Variants in CHST9 observed in about 807,000 individuals in gnomAD.
CHST9 encodes the protein carbohydrate sulfotransferase 9, also known as GalNAc-4-sulfotransferase 2.
Under a neutral mutation model 44.4 loss-of-function variants are expected in CHST9, and 41 were observed. The ratio of observed to expected loss-of-function variants is 0.92; its 90% CI spans 0.72 to 1.20. CHST9 has a LOEUF of 1.20. Ranked by LOEUF, CHST9 falls within the 50% of genes most tolerant of loss-of-function variation. The pLI is 0.00. For synonymous variants in CHST9, 171 were observed against 178.4 expected, an observed-to-expected ratio of 0.96 and a Z score of 0.33; for missense variants, 504 against 516.5, an observed-to-expected ratio of 0.98 and a Z score of 0.23.
intron 2 of CHST9, among the ~76,000 whole-genome samples, chr18:27,054,297 A>G (rs562853406): frequency 6.6e-5 from 10 of 152,340 alleles, no homozygotes; most frequent in Non-Finnish European, 1.5e-4. Flanking sequence ...CAGAATAATG[A>G]ACACACATTC....
At chr18:27,161,113 AGTTCTGCTCT>A (rs2058743438) in intron 1 of CHST9, among the ~76,000 whole-genome samples, 1 of 151,740 alleles carries the variant, frequency 6.6e-6, no homozygotes, top group African/African-American at 2.4e-5. Flanking sequence ...TATTTCCTTC[AGTTCTGCTCT>A]GATCTTAGTT....
At chr18:26,981,737 G>A (rs750497995) in intron 4 of CHST9, among the ~76,000 whole-genome samples, 2 of 152,114 alleles carry the variant, frequency 1.3e-5, no homozygotes, top group Non-Finnish European at 2.9e-5. Context: ...AGAAGCGGAG[G>A]CCTGACAATT....
intron 2 of CHST9, among the ~76,000 whole-genome samples, chr18:27,097,238 A>T (rs2058126011): frequency 6.6e-6 from 1 of 151,970 alleles, no homozygotes; most frequent in Admixed American, 6.6e-5. Context: ...ACATTGAAGG[A>T]GCATATATCA....
At chr18:27,160,984 A>G (rs556471273) in intron 1 of CHST9, among the ~76,000 whole-genome samples, 47 of 152,080 alleles carry the variant, frequency 3.1e-4, no homozygotes, top group African/African-American at 1.1e-3. Flanking sequence ...TATTGCGTCT[A>G]TTGGATTCTT....
In CHST9 at chr18:27,025,755, T is replaced by C. The variant is rs186411144; in HGVS notation, c.161-1598A>G. Among the ~76,000 whole-genome samples, 4 of 152,288 alleles carry C rather than the reference T, an allele frequency of 2.6e-5. No homozygotes were observed. In the East Asian group the frequency reaches 7.7e-4, roughly 29 times the overall value. On this transcript the variant is annotated intron_variant, in intron 3 of 5. Transcript: ENST00000618847. ...ATTGCTCCCACCCAATTTATTGTAATTGCAACTCTATATTTACCTGTTCAC... is the reference window on the plus strand; with the variant it reads ...ATTGCTCCCACCCAATTTATTGTAACTGCAACTCTATATTTACCTGTTCAC...
At chr18:27,079,332 A>T (rs1243850096) in intron 2 of CHST9, among the ~76,000 whole-genome samples, 2 of 152,220 alleles carry the variant, frequency 1.3e-5, no homozygotes, top group African/African-American at 4.8e-5. Context: ...AATTACACCC[A>T]GTCAGATTTT....
Position 26,915,162 on chromosome 18 carries a change from C to T in CHST9, c.*1097G>A, listed in dbSNP as rs2055495770. On this transcript the variant is annotated 3_prime_UTR_variant, in exon 6 of 6. Transcript: ENST00000618847. ...CTTAAAAAGAAAATACCTTAATTTA[C>T]TTATGCATAAGCCTATTAAACACAT... The T allele has an allele frequency of 2.6e-6, 1 of 391,124 alleles. No homozygotes were observed. Among genetic ancestry groups the T allele is most frequent in the Non-Finnish European group, 4.5e-6 (1 of 221,782 alleles). 24.2% of individuals were successfully genotyped at this position (391,124 alleles called of 1,614,324 possible).
Position 26,917,032 on chromosome 18 carries a change from TG to T in CHST9, c.558del (p.Cys186Ter). On this transcript the variant is annotated frameshift_variant, in exon 6 of 6. Transcript: ENST00000618847. LOFTEE classifies it high-confidence loss of function. Reference sequence around the variant, plus strand: ...TGATGACTCACCCCACCGTATTTCTTGCAAAACTCCTGAAGGAAAGACCTTC... The same window carrying T: ...TGATGACTCACCCCACCGTATTTCTTCAAAACTCCTGAAGGAAAGACCTTC... ...EKRRSFLQEF[C>X]KKYGGVSHHQ... 1 of 1,613,982 alleles carries T rather than the reference TG, an allele frequency of 6.2e-7. No homozygotes were observed. The highest frequency in any genetic ancestry group is 2.2e-5 in the East Asian group (1 of 44,874).
At chr18:26,944,269 C>G in intron 5 of CHST9, 60 bp downstream of exon 5, 7 of 1,257,376 alleles carry the variant, frequency 5.6e-6, no homozygotes, top group Non-Finnish European at 8.1e-6. Context: ...TATATTTACA[C>G]ATGTTTATTA....
At chr18:27,090,217 T>C (rs2058054841) in intron 2 of CHST9, among the ~76,000 whole-genome samples, 2 of 152,362 alleles carry the variant, frequency 1.3e-5, no homozygotes, top group African/African-American at 4.8e-5. Context: ...CATTTTTTCA[T>C]GTGTCTGTTG....
intron 2 of CHST9, among the ~76,000 whole-genome samples, chr18:27,136,968 C>G (rs774304048): frequency 6.6e-6 from 1 of 152,074 alleles, no homozygotes; most frequent in South Asian, 2.1e-4. Context: ...TTGATTTTTA[C>G]TGCTTTGTAT....
At chr18:27,070,402 T>C (rs2057825960) in intron 2 of CHST9, among the ~76,000 whole-genome samples, 1 of 152,236 alleles carries the variant, frequency 6.6e-6, no homozygotes, top group Non-Finnish European at 1.5e-5. Context: ...TATCTCTATA[T>C]CTGTTCAATA....
intron 2 of CHST9, among the ~76,000 whole-genome samples, chr18:27,101,558 C>G (rs900528804): frequency 6.6e-6 from 1 of 151,224 alleles, no homozygotes; most frequent in Non-Finnish European, 1.5e-5. Context: ...TGCAGCGAGC[C>G]GAGATTGCGC....
At chr18:27,083,466 A>T (rs2057979847) in intron 2 of CHST9, among the ~76,000 whole-genome samples, 1 of 152,154 alleles carries the variant, frequency 6.6e-6, no homozygotes, top group Non-Finnish European at 1.5e-5. Flanking sequence ...CATAAGATAA[A>T]TTTAAAATGT....
At chr18:27,135,498 G>T (rs566009698) in intron 2 of CHST9, among the ~76,000 whole-genome samples, 13 of 152,212 alleles carry the variant, frequency 8.5e-5, no homozygotes, top group African/African-American at 2.9e-4. Context: ...GTATTACAGT[G>T]ACCACTCTTT....
intron 4 of CHST9, among the ~76,000 whole-genome samples, chr18:27,001,228 T>C (rs1274231503): frequency 1.3e-5 from 2 of 152,206 alleles, no homozygotes; most frequent in Non-Finnish European, 2.9e-5. Flanking sequence ...TGATCTTCTC[T>C]AAGGGAATAA....
chr18:27,116,680 T>C (rs1248999530), intron 2 of CHST9, among the ~76,000 whole-genome samples: 1 of 152,220 alleles, frequency 6.6e-6, no homozygotes, highest in East Asian at 1.9e-4. Flanking sequence ...TAGATAAATT[T>C]GGAGAGTTAT....
intron 3 of CHST9, among the ~76,000 whole-genome samples, chr18:27,032,410 T>C (rs1239288591): frequency 6.6e-6 from 1 of 152,062 alleles, no homozygotes; most frequent in African/African-American, 2.4e-5. Flanking sequence ...AGAAAAAGAG[T>C]AATACTACTA....
At chr18:27,064,498 C>T (rs2057760148) in intron 2 of CHST9, among the ~76,000 whole-genome samples, 1 of 152,246 alleles carries the variant, frequency 6.6e-6, no homozygotes, top group Admixed American at 6.5e-5. Flanking sequence ...CAACTCAAGA[C>T]AGTTCGAACT....
Sources: allele counts gnomAD v4.1 joint callset (sites outside exome capture counted in the v4.1 genomes callset), GRCh38; gene constraint gnomAD v4.1.1; transcripts MANE v1.5; gene names NCBI Gene and HGNC (gene_info 2026-07-23, HGNC 2026-07-21).